Variants in CLEC2A observed in about 807,000 individuals in gnomAD.
CLEC2A encodes the protein keratinocyte-associated C-type lectin.
Under a neutral mutation model 18.6 loss-of-function variants are expected in CLEC2A, and 19 were observed. The ratio of observed to expected loss-of-function variants is 1.02; its 90% confidence interval spans 0.71 to 1.50. CLEC2A has a LOEUF of 1.50. Among genes scored for constraint, CLEC2A ranks in the 40% most tolerant of loss-of-function variants. CLEC2A has a pLI of 0.00. For synonymous variants in CLEC2A, 74 were observed against 64.0 expected (o/e 1.16, Z -0.75); for missense variants, 190 against 207.9 (o/e 0.91, Z 0.53).
downstream of CLEC2A, among the ~76,000 whole-genome samples, chr12:9,911,797 A>C (rs1862990887): frequency 6.6e-6 from 1 of 152,116 alleles, no homozygotes; most frequent in South Asian, 2.1e-4. Context: ...CATTTTTTTT[A>C]AGAGACAGGG....
chr12:9,926,711 T>A (rs180750608), intron 1 of CLEC2A, among the ~76,000 whole-genome samples: 103 of 152,202 alleles, frequency 6.8e-4, no homozygotes, highest in African/African-American at 2.4e-3. Flanking sequence ...ATAACAGATA[T>A]ATAAGGCAAT....
chr12:9,906,810 T>C (rs1862914028), intron 4 of CLEC2A, among the ~76,000 whole-genome samples: 1 of 152,216 alleles, frequency 6.6e-6, no homozygotes, highest in Admixed American at 6.5e-5. Flanking sequence ...AAATCTGGTC[T>C]GACTTTTGTG....
the CLEC2A span, among the ~76,000 whole-genome samples, chr12:9,889,658 GTGTATATA>G: frequency 7.1e-6 from 1 of 141,496 alleles, no homozygotes; most frequent in African/African-American, 2.9e-5. Context: ...GTGTGTGTGT[GTGTATATA>G]TATGTATATA....
At chr12:9,910,044 T>C (rs775384906), downstream of CLEC2A, among the ~76,000 whole-genome samples, 3 of 152,164 alleles carry the variant, frequency 2.0e-5, no homozygotes, top group South Asian at 2.1e-4. Context: ...GCATACTCTA[T>C]ATCCTCCAGA....
chr12:9,896,106 GA>G (rs1022329373), downstream of CLEC2A, among the ~76,000 whole-genome samples: 1 of 152,126 alleles, frequency 6.6e-6, no homozygotes, highest in African/African-American at 2.4e-5. Flanking sequence ...TTAATAGTTT[GA>G]TTTTTTTGCA....
chr12:9,906,871 C>A (rs149395331), intron 4 of CLEC2A, among the ~76,000 whole-genome samples: 1 of 152,166 alleles, frequency 6.6e-6, no homozygotes, highest in Non-Finnish European at 1.5e-5. Context: ...GGTTTGGATA[C>A]CCTGTTAAGA....
chr12:9,901,986 C>T (rs1482362697), intron 4 of CLEC2A, among the ~76,000 whole-genome samples: 1 of 152,168 alleles, frequency 6.6e-6, no homozygotes, highest in East Asian at 1.9e-4. Flanking sequence ...ACAATTCTTC[C>T]ACCACTTCCT....
chr12:9,886,121 A>G, the CLEC2A span, among the ~76,000 whole-genome samples: 1 of 152,178 alleles, frequency 6.6e-6, no homozygotes, highest in African/African-American at 2.4e-5. Context: ...AGAAGAAATC[A>G]ATGAAATTTG....
the CLEC2A span, chr12:9,893,118 T>G: frequency 6.5e-7 from 1 of 1,535,812 alleles, no homozygotes; most frequent in Non-Finnish European, 8.7e-7. Context: ...TCAACGTGAT[T>G]GTACACAGCT....
intron 2 of CLEC2A, among the ~76,000 whole-genome samples, chr12:9,923,888 T>A (rs1330837459): frequency 6.7e-6 from 1 of 150,076 alleles, no homozygotes; most frequent in African/African-American, 2.5e-5. Context: ...TGAGAACACA[T>A]GGACACAGGG....
downstream of CLEC2A, among the ~76,000 whole-genome samples, chr12:9,896,021 G>T (rs1466216494): frequency 6.6e-6 from 1 of 152,058 alleles, no homozygotes; most frequent in Non-Finnish European, 1.5e-5. Context: ...TCTATACTTG[G>T]ATTTCTGGTT....
At chr12:9,907,199 C>T (rs1465059023) in intron 4 of CLEC2A, among the ~76,000 whole-genome samples, 2 of 152,128 alleles carry the variant, frequency 1.3e-5, no homozygotes, top group Non-Finnish European at 2.9e-5. Context: ...ACCCCTAAAG[C>T]CACCCCATTA....
intron 4 of CLEC2A, among the ~76,000 whole-genome samples, chr12:9,905,171 G>C (rs77051076): frequency 1.5e-3 from 228 of 152,312 alleles, no homozygotes; most frequent in African/African-American, 5.4e-3. Context: ...AGGGTAGGCC[G>C]TAGGATAACG....
At chr12:9,907,565 C>A (rs1862923626) in intron 4 of CLEC2A, among the ~76,000 whole-genome samples, 1 of 152,064 alleles carries the variant, frequency 6.6e-6, no homozygotes, top group Non-Finnish European at 1.5e-5. Flanking sequence ...TTGAGTTTTC[C>A]TTTTGAAACT....
intron 1 of CLEC2A, among the ~76,000 whole-genome samples, chr12:9,931,260 A>C (rs1271896384): frequency 6.6e-6 from 1 of 152,162 alleles, no homozygotes; most frequent in Non-Finnish European, 1.5e-5. Context: ...TCTTTTTGTA[A>C]TACTAATGTC....
At chr12:9,899,482 T>C (rs971960223) in intron 4 of CLEC2A, among the ~76,000 whole-genome samples, 3 of 152,160 alleles carry the variant, frequency 2.0e-5, no homozygotes, top group African/African-American at 7.2e-5. Flanking sequence ...TGGCTTGCCA[T>C]TGAGAAAGAG....
At chr12:9,900,986 GA>G (rs531713475) in intron 4 of CLEC2A, among the ~76,000 whole-genome samples, 6 of 150,492 alleles carry the variant, frequency 4.0e-5, no homozygotes, top group Non-Finnish European at 7.4e-5. Context: ...CAGGCAGAGA[GA>G]AAAAAAAACA....
At chr12:9,915,564 GA>G (rs2137035897) in intron 4 of CLEC2A, among the ~76,000 whole-genome samples, 1 of 152,300 alleles carries the variant, frequency 6.6e-6, no homozygotes, top group African/African-American at 2.4e-5. Context: ...GGACATGGAT[GA>G]ATCTGGAAAC....
At position 9,922,085 on chromosome 12, in the gene CLEC2A, A is replaced by G. The variant is rs760616466; in HGVS notation, c.287T>C (p.Ile96Thr). 3.9e-6 allele frequency: 6 copies of G among 1,548,446 alleles called. No homozygotes were observed. Among genetic ancestry groups the G allele is most frequent in the South Asian group, 1.2e-5 (1 of 83,174 alleles). ...TCTTACCATGTCTTCTTGTGTATCA[A>G]TCTGAGCAAGTTCTGCTTTCTGCAA... ...CSLQKAELAQ[I>T]DTQEDMEFLK... Residue 96 changes from isoleucine (I) to threonine (T), a missense_variant, in exon 3 of 5, where the codon ATT (isoleucine) becomes ACT (threonine). Physicochemically the swap from Ile to Thr is moderately conservative, Grantham distance 89 (BLOSUM62 -1). Transcript: ENST00000455827.
Sources: allele counts gnomAD v4.1 joint callset (sites outside exome capture counted in the v4.1 genomes callset), GRCh38; gene constraint gnomAD v4.1.1; transcripts MANE v1.5; gene names NCBI Gene and HGNC (gene_info 2026-07-23, HGNC 2026-07-21).